Variants in BRD4 observed in about 807,000 individuals in gnomAD.
BRD4 encodes bromodomain-containing protein 4.
BRD4 carries 16 observed loss-of-function variants against 142.1 expected under a neutral mutation model. The observed-to-expected ratio is 0.11, with a 90% confidence interval of 0.08 to 0.17. BRD4 has a LOEUF of 0.17. BRD4 is among the 10% of genes least tolerant of loss of function. The pLI, the probability that BRD4 is intolerant of heterozygous loss-of-function variation, is 1.00. For synonymous variants in BRD4, 833 were observed against 707.5 expected (o/e 1.18, Z -2.82); for missense variants, 1,424 against 1,810.9 (o/e 0.79, Z 3.88).
chr19:15,241,184 C>T (rs2047235152), intron 14 of BRD4, among the ~76,000 whole-genome samples: 1 of 152,252 alleles, frequency 6.6e-6, no homozygotes, highest in African/African-American at 2.4e-5. Flanking sequence ...AATTCTAGCA[C>T]ATCGGGACCA....
intron 6 of BRD4, chr19:15,264,157 CT>C: frequency 2.1e-6 from 1 of 467,442 alleles, no homozygotes; most frequent in East Asian, 3.7e-5. Flanking sequence ...GCTTGTCTTG[CT>C]TTTCCTCAGA....
At chr19:15,252,695 G>A (rs2047360420) in intron 11 of BRD4, among the ~76,000 whole-genome samples, 1 of 152,220 alleles carries the variant, frequency 6.6e-6, no homozygotes, top group Non-Finnish European at 1.5e-5. Flanking sequence ...ATGGCGACAG[G>A]GAAGGCCAGG....
At chr19:15,309,363 A>C (rs2047946511) in intron 1 of BRD4, among the ~76,000 whole-genome samples, 2 of 151,498 alleles carry the variant, frequency 1.3e-5, no homozygotes, top group Admixed American at 1.3e-4. Context: ...AAAACCAACA[A>C]ACTGTCAATC....
chr19:15,255,737 A>G (rs2047401500), intron 9 of BRD4, 145 bp from the exon 10 acceptor site: 2 of 1,118,482 alleles, frequency 1.8e-6, no homozygotes, highest in African/African-American at 3.1e-5. Flanking sequence ...GGCATGGGCA[A>G]CTCAATCTCT....
intron 11 of BRD4, among the ~76,000 whole-genome samples, chr19:15,252,380 T>C (rs563982390): frequency 7.2e-5 from 11 of 152,342 alleles, no homozygotes; most frequent in African/African-American, 2.4e-4. Flanking sequence ...GATCCTCAGA[T>C]GAGAAGACTA....
chr19:15,248,015 C>A (rs2145533290), intron 11 of BRD4: 1 of 220,816 alleles, frequency 4.5e-6, no homozygotes, highest in East Asian at 6.6e-5. Flanking sequence ...CAAGGGCTTG[C>A]CCATGGTGAT....
intron 8 of BRD4, 77 bp downstream of exon 8, chr19:15,256,887 T>C: frequency 1.5e-6 from 2 of 1,318,058 alleles, no homozygotes; most frequent in South Asian, 1.5e-5. Context: ...ACCAAGAACA[T>C]CTCTTAGAAA....
At chr19:15,331,185 G>A (rs984433117) in intron 1 of BRD4, among the ~76,000 whole-genome samples, 4 of 152,196 alleles carry the variant, frequency 2.6e-5, no homozygotes, top group Non-Finnish European at 5.9e-5. Flanking sequence ...GTAGTCTTGA[G>A]TAAAAGGGAG....
At chr19:15,248,542 T>TGAGAA (rs2047312445) in intron 11 of BRD4, 2 of 223,318 alleles carry the variant, frequency 9.0e-6, no homozygotes, top group African/African-American at 4.5e-5. Flanking sequence ...CTATGTGACT[T>TGAGAA]GAGAAGACGG....
Position 15,254,874 on chromosome 19 carries a change from G to A in BRD4, c.2047+423C>T, listed in dbSNP as rs17707718. 4.9e-3 allele frequency among the ~76,000 whole-genome samples: 747 copies of A among 152,318 alleles called. 14 individuals are homozygous for A. Among genetic ancestry groups the A allele is most frequent in the South Asian group, 0.02 (96 of 4,830 alleles). ...AGAGCTGCCTGGAAGAGTCCAGAAA[G>A]GATGCCACACCGAACTGTCCCTGCT... On this transcript the variant is annotated intron_variant, in intron 10 of 19. Coordinates refer to ENST00000679869, the MANE Select transcript of BRD4 (RefSeq NM_001379291.1).
At chr19:15,255,659 C>T in intron 9 of BRD4, 67 bp from the exon 10 acceptor site, 1 of 1,517,342 alleles carries the variant, frequency 6.6e-7, no homozygotes, top group South Asian at 1.3e-5. Flanking sequence ...CTCATTCCTC[C>T]ACATGTATGT....
At chr19:15,304,935 T>C (rs1362323536) in intron 1 of BRD4, among the ~76,000 whole-genome samples, 1 of 151,620 alleles carries the variant, frequency 6.6e-6, no homozygotes, top group East Asian at 1.9e-4. Context: ...GAAGAAAATA[T>C]AAAATATATT....
chr19:15,290,276 A>AT (rs1199864286), intron 1 of BRD4, among the ~76,000 whole-genome samples: 4 of 152,188 alleles, frequency 2.6e-5, no homozygotes, highest in Non-Finnish European at 5.9e-5. Flanking sequence ...TTCAAAGTCA[A>AT]TGTTAAAAAG....
At chr19:15,296,168 C>T (rs141577874) in intron 1 of BRD4, among the ~76,000 whole-genome samples, 7 of 151,672 alleles carry the variant, frequency 4.6e-5, no homozygotes, top group African/African-American at 1.7e-4. Flanking sequence ...GCAGGAGAAT[C>T]GCTTGAACCC....
intron 1 of BRD4, 58 bp from the exon 2 acceptor site, chr19:15,273,191 G>C (rs1411237610): frequency 6.8e-7 from 1 of 1,468,126 alleles, no homozygotes; most frequent in East Asian, 2.3e-5. Flanking sequence ...GCACCGCTCA[G>C]AATGACAAGT....
intron 1 of BRD4, among the ~76,000 whole-genome samples, chr19:15,302,125 C>T (rs1358758355): frequency 6.6e-6 from 1 of 151,936 alleles, no homozygotes; most frequent in South Asian, 2.1e-4. Context: ...CAAGATTACG[C>T]CACTGCCCTC....
chr19:15,322,225 A>G (rs1307027452), intron 1 of BRD4, among the ~76,000 whole-genome samples: 1 of 152,036 alleles, frequency 6.6e-6, no homozygotes, highest in Non-Finnish European at 1.5e-5. Flanking sequence ...CCTATACACC[A>G]ATTGCAATCC....
intron 1 of BRD4, among the ~76,000 whole-genome samples, chr19:15,312,088 T>G (rs2047976620): frequency 6.6e-6 from 1 of 152,206 alleles, no homozygotes. Flanking sequence ...TGTAGGCAAA[T>G]GGGTTCAGCC....
At chr19:15,280,177 G>A (rs1160157983) in intron 1 of BRD4, 5 of 855,196 alleles carry the variant, frequency 5.8e-6, no homozygotes, top group Non-Finnish European at 7.1e-6. Context: ...GGGGACAGAG[G>A]CAGAGTGGAT....
Sources: gnomAD v4.1 joint callset for allele counts (sites outside exome capture counted in the v4.1 genomes callset) on GRCh38, gnomAD v4.1.1 for gene constraint, MANE v1.5 for transcripts, NCBI Gene and HGNC (gene_info 2026-07-23, HGNC 2026-07-21) for gene names.